ZC2HC1B: variants seen among roughly 807,000 people sequenced by gnomAD.
ZC2HC1B encodes the protein zinc finger C2HC domain-containing protein 1B.
Under a neutral mutation model 31.0 loss-of-function variants are expected in ZC2HC1B, and 36 were observed. The observed-to-expected ratio is 1.16, with a 90% CI of 0.89 to 1.54. The LOEUF (loss-of-function observed/expected upper bound fraction) is 1.54. ZC2HC1B is among the 40% of genes most tolerant of loss of function. ZC2HC1B has a pLI of 0.00. For missense variants in ZC2HC1B, 260 were observed against 268.6 expected, an observed-to-expected ratio of 0.97 and a Z score of 0.22; for synonymous variants, 73 against 88.0, an observed-to-expected ratio of 0.83 and a Z score of 0.95.
At chr6:143,936,693 C>A (rs1286969688) in intron 6 of ZC2HC1B, among the ~76,000 whole-genome samples, 1 of 152,204 alleles carries the variant, frequency 6.6e-6, no homozygotes, top group African/African-American at 2.4e-5. Context: ...GGATCTAGAC[C>A]TGCATTGCTT....
chr6:143,926,360 C>G (rs535713117), intron 6 of ZC2HC1B, among the ~76,000 whole-genome samples: 2 of 152,262 alleles, frequency 1.3e-5, no homozygotes, highest in East Asian at 3.9e-4. Flanking sequence ...TTCCTTCTGT[C>G]TTCTTCATTG....
chr6:143,879,360 G>A (rs538624829), intron 1 of ZC2HC1B, among the ~76,000 whole-genome samples: 15 of 152,196 alleles, frequency 9.9e-5, no homozygotes, highest in Admixed American at 2.0e-4. Flanking sequence ...GCTTTATTGG[G>A]GTTTAGGGAG....
intron 4 of ZC2HC1B, among the ~76,000 whole-genome samples, chr6:143,892,656 A>C (rs1385700793): frequency 6.6e-6 from 1 of 152,216 alleles, no homozygotes; most frequent in Non-Finnish European, 1.5e-5. Flanking sequence ...CTTACTCCTT[A>C]GCAAAAGGAC....
At position 143,884,503 on chromosome 6, in the gene ZC2HC1B, C is replaced by A; in HGVS notation, c.90+138C>A. The stretch of plus-strand genomic sequence containing the variant: ...AAGAGGAAAAGTACATAACCTATGG[C>A]TGGTGGGCCCAGAGAACACTGAGGC... On this transcript the variant is annotated intron_variant, in intron 2 of 7. Transcript: ENST00000237275. This position sits in a 1 kb window ranked among gnomAD's most constrained non-coding sequence, Gnocchi z 5.1. The A allele has an allele frequency of 1.4e-6, 1 of 706,878 alleles. No homozygotes were observed. The highest frequency in any genetic ancestry group is 2.2e-6 in the Non-Finnish European group (1 of 459,776). 43.8% of individuals were successfully genotyped at this position (706,878 alleles called of 1,614,324 possible).
chr6:143,884,508 G>A lies in ZC2HC1B; in HGVS notation c.90+143G>A, dbSNP rs1777507667. On this transcript the variant is annotated intron_variant, in intron 2 of 7. Transcript: ENST00000237275. This position sits in a 1 kb window ranked among gnomAD's most constrained non-coding sequence, Gnocchi z 5.1. ...GAAAAGTACATAACCTATGGCTGGT[G>A]GGCCCAGAGAACACTGAGGCAGATT... 1 of 681,680 alleles carries A rather than the reference G, an allele frequency of 1.5e-6. No homozygotes were observed. The highest frequency in any genetic ancestry group is 2.3e-6 in the Non-Finnish European group (1 of 439,070). The allele number at this position is 681,680 out of a possible 1,614,324, so 42.2% of individuals were successfully genotyped here. A position where few individuals can be genotyped will look rare whatever the true frequency, so the allele number is the denominator to read the frequency against.
At chr6:143,932,778 T>C (rs990389575) in intron 6 of ZC2HC1B, among the ~76,000 whole-genome samples, 7 of 152,202 alleles carry the variant, frequency 4.6e-5, no homozygotes, top group African/African-American at 1.7e-4. Flanking sequence ...TTTTTCTCAT[T>C]TGGATACACT....
At chr6:143,893,454 G>A (rs1371324612) in intron 4 of ZC2HC1B, among the ~76,000 whole-genome samples, 1 of 152,034 alleles carries the variant, frequency 6.6e-6, no homozygotes, top group African/African-American at 2.4e-5. Context: ...TGTAATCCCA[G>A]CTACTTGGGA....
chr6:143,900,425 AG>A (rs1487926013), intron 5 of ZC2HC1B, among the ~76,000 whole-genome samples: 1 of 151,826 alleles, frequency 6.6e-6, no homozygotes, highest in African/African-American at 2.4e-5. Context: ...AAGAAAAAAG[AG>A]GTACAGGGAC....
Position 143,872,625 on chromosome 6 carries a change from C to T in ZC2HC1B, c.28+8058C>T, listed in dbSNP as rs1419903277. Among the ~76,000 whole-genome samples, 1 of 152,170 alleles carries T rather than the reference C, an allele frequency of 6.6e-6. No individual in the cohort carries two copies. The highest frequency in any genetic ancestry group is 2.4e-5 in the African/African-American group (1 of 41,422). ...GGGAAGAAAAAGAGGTTTAATCAGA[C>T]TTACAGTTCCACATGGCTGGGGAGG... is the stretch of plus-strand genomic sequence containing the variant. On this transcript the variant is annotated intron_variant, in intron 1 of 7. Transcript: ENST00000237275. This position sits in a 1 kb window ranked among gnomAD's most constrained non-coding sequence, Gnocchi z 5.5.
rs767847875 is a variant in ZC2HC1B, at chr6:143,876,802, A to G, written c.29-7502A>G. ...AGCATCCAGCACAGGAGAAAGGTGTAGGCTAGGAGGTTAGGCCAGTCTAGT... is the reference window on the plus strand; with the variant it reads ...AGCATCCAGCACAGGAGAAAGGTGTGGGCTAGGAGGTTAGGCCAGTCTAGT... On this transcript the variant is annotated intron_variant, in intron 1 of 7. Transcript: ENST00000237275. Among the ~76,000 whole-genome samples, 9 of 150,450 alleles carry G rather than the reference A, an allele frequency of 6.0e-5. 1 individual carries two copies. Among genetic ancestry groups the G allele is most frequent in the Admixed American group, 6.6e-5 (1 of 15,190 alleles).
intron 6 of ZC2HC1B, 142 bp from the exon 7 acceptor site, chr6:143,937,507 C>T: frequency 1.9e-6 from 1 of 516,686 alleles, no homozygotes; most frequent in African/African-American, 2.2e-5. Context: ...TCATTGCCCT[C>T]CCCACCACAC....
intron 6 of ZC2HC1B, among the ~76,000 whole-genome samples, chr6:143,925,477 A>G (rs1243798097): frequency 2.0e-5 from 3 of 147,330 alleles, no homozygotes; most frequent in South Asian, 4.3e-4. Context: ...CTCCCAGCCC[A>G]TTACTTGTTA....
At chr6:143,929,905 T>C (rs1159749906) in intron 6 of ZC2HC1B, among the ~76,000 whole-genome samples, 1 of 152,216 alleles carries the variant, frequency 6.6e-6, no homozygotes, top group Non-Finnish European at 1.5e-5. Flanking sequence ...TCTCTGATGA[T>C]CTTTTGCATT....
At chr6:143,926,555 C>G (rs191526250) in intron 6 of ZC2HC1B, among the ~76,000 whole-genome samples, 31 of 151,944 alleles carry the variant, frequency 2.0e-4, no homozygotes, top group Non-Finnish European at 3.5e-4. Context: ...AGAGAATGTT[C>G]CATGTGTTGA....
intron 1 of ZC2HC1B, among the ~76,000 whole-genome samples, chr6:143,879,331 C>T (rs1777442584): frequency 6.6e-6 from 1 of 152,060 alleles, no homozygotes; most frequent in South Asian, 2.1e-4. Flanking sequence ...TTTCTATGTC[C>T]CTTTGTCACT....
intron 6 of ZC2HC1B, among the ~76,000 whole-genome samples, chr6:143,929,905 T>A (rs1159749906): frequency 1.3e-5 from 2 of 152,216 alleles, no homozygotes; most frequent in Non-Finnish European, 2.9e-5. Context: ...TCTCTGATGA[T>A]CTTTTGCATT....
chr6:143,915,188 T>C lies in ZC2HC1B; in HGVS notation c.598+12036T>C, dbSNP rs1777903131. On this transcript the variant is annotated intron_variant, in intron 6 of 7. Coordinates refer to ENST00000237275, the MANE Select transcript of ZC2HC1B (RefSeq NM_001013623.3). The surrounding 1 kb of genome is among the most constrained non-coding windows in gnomAD (Gnocchi z 5.2). ...TTGAATCATGGGGGCAAGTCTTCCC[T>C]GTGCTATTCTTATGACAATGAGTAA... is the stretch of plus-strand genomic sequence containing the variant. Among the ~76,000 whole-genome samples, 1 of 152,182 alleles carries C rather than the reference T, an allele frequency of 6.6e-6. No individual in the cohort carries two copies. The highest frequency in any genetic ancestry group is 6.5e-5 in the Admixed American group (1 of 15,272).
At chr6:143,920,088 C>T (rs1777970394) in intron 6 of ZC2HC1B, among the ~76,000 whole-genome samples, 1 of 151,876 alleles carries the variant, frequency 6.6e-6, no homozygotes, top group Non-Finnish European at 1.5e-5. Flanking sequence ...TAGTGTCCTT[C>T]AGAAAAATAA....
At chr6:143,936,424 C>T (rs1778179266) in intron 6 of ZC2HC1B, among the ~76,000 whole-genome samples, 1 of 151,982 alleles carries the variant, frequency 6.6e-6, no homozygotes. Context: ...AAAATGGGTC[C>T]AAAAATATAA....
Sources: allele counts gnomAD v4.1 joint callset (sites outside exome capture counted in the v4.1 genomes callset), GRCh38; gene constraint gnomAD v4.1.1; non-coding constraint Gnocchi (gnomAD v3.1); transcripts MANE v1.5; gene names NCBI Gene and HGNC (gene_info 2026-07-23, HGNC 2026-07-21).